Variants in GRB14 observed in about 807,000 individuals in gnomAD.
The protein encoded by GRB14 is growth factor receptor bound protein 14.
GRB14 carries 38 observed loss-of-function variants against 69.1 expected under a neutral mutation model. The observed-to-expected ratio is 0.55, with a 90% CI of 0.42 to 0.72. The LOEUF (loss-of-function observed/expected upper bound fraction) is 0.72. Among genes scored for constraint, GRB14 ranks in the 30% least tolerant of loss-of-function variants. The pLI is 0.00. For synonymous variants in GRB14, 247 were observed against 241.3 expected, an observed-to-expected ratio of 1.02 and a Z score of -0.22; for missense variants, 666 against 666.1, an observed-to-expected ratio of 1.00 and a Z score of 0.00.
intron 2 of GRB14, among the ~76,000 whole-genome samples, chr2:164,607,509 C>T (rs1013731952): frequency 2.6e-5 from 4 of 152,024 alleles, no homozygotes; most frequent in Admixed American, 2.0e-4. Flanking sequence ...TTAATCTGAG[C>T]GAGGGAGAAG....
Position 164,493,284 on chromosome 2 carries a change from T to C in GRB14, c.1477-102A>G, listed in dbSNP as rs375470023. 7.3e-5 allele frequency: 74 copies of C among 1,019,424 alleles called. 1 individual carries two copies. In the South Asian group the frequency reaches 1.1e-3, roughly 15 times the overall value. The allele number at this position is 1,019,424 out of a possible 1,614,324, so 63.1% of individuals were successfully genotyped here. ...CTCCACATGCCAAAACTGCCAAGTT[T>C]ATAAAACTAAAAGACAGTGAAAAGA... On this transcript the variant is annotated intron_variant, in intron 13 of 13. Transcript: ENST00000263915.
At chr2:164,538,375 A>G (rs1202205126) in intron 3 of GRB14, among the ~76,000 whole-genome samples, 3 of 152,176 alleles carry the variant, frequency 2.0e-5, no homozygotes, top group African/African-American at 7.2e-5. Context: ...ACTTGAAGCT[A>G]AAGTTTTTCC....
intron 2 of GRB14, among the ~76,000 whole-genome samples, chr2:164,618,904 A>AT (rs1450229818): frequency 6.6e-6 from 1 of 152,178 alleles, no homozygotes; most frequent in Non-Finnish European, 1.5e-5. Flanking sequence ...AATAAGGTGC[A>AT]TTTTGTCTAG....
chr2:164,613,737 C>T (rs1346943073), intron 2 of GRB14, among the ~76,000 whole-genome samples: 2 of 152,164 alleles, frequency 1.3e-5, no homozygotes, highest in Non-Finnish European at 2.9e-5. Context: ...GACCTTTTGG[C>T]CTTCAGGTAC....
chr2:164,501,844 C>A (rs1339138795), intron 9 of GRB14, among the ~76,000 whole-genome samples: 3 of 151,760 alleles, frequency 2.0e-5, no homozygotes, highest in African/African-American at 7.3e-5. Flanking sequence ...ATCCCAGAAT[C>A]GGTATTAAAA....
At chr2:164,544,535 C>T (rs895412241) in intron 3 of GRB14, among the ~76,000 whole-genome samples, 1 of 152,196 alleles carries the variant, frequency 6.6e-6, no homozygotes, top group African/African-American at 2.4e-5. Context: ...TAACACCATA[C>T]TTCTAGGAGA....
chr2:164,500,126 C>T (rs1011292004), intron 9 of GRB14, among the ~76,000 whole-genome samples: 13 of 152,090 alleles, frequency 8.5e-5, no homozygotes, highest in Non-Finnish European at 1.8e-4. Flanking sequence ...AGTAGACTCG[C>T]CTTCCCCAAC....
chr2:164,571,915 C>A (rs1196164703), intron 2 of GRB14, among the ~76,000 whole-genome samples: 1 of 152,198 alleles, frequency 6.6e-6, no homozygotes, highest in African/African-American at 2.4e-5. Flanking sequence ...GATACATTAG[C>A]ATAAAATGTC....
intron 2 of GRB14, among the ~76,000 whole-genome samples, chr2:164,613,903 T>G (rs1173601822): frequency 1.3e-5 from 2 of 152,186 alleles, no homozygotes; most frequent in Non-Finnish European, 2.9e-5. Flanking sequence ...ATTGCCCCAG[T>G]TTGAAAATGG....
chr2:164,558,912 T>C (rs1272840508), intron 2 of GRB14, among the ~76,000 whole-genome samples: 1 of 152,190 alleles, frequency 6.6e-6, no homozygotes, highest in Non-Finnish European at 1.5e-5. Context: ...AATTATTGAG[T>C]TGTCTGGCAT....
chr2:164,571,291 C>T (rs1488585567), intron 2 of GRB14, among the ~76,000 whole-genome samples: 1 of 152,152 alleles, frequency 6.6e-6, no homozygotes, highest in African/African-American at 2.4e-5. Context: ...AAAACTATGA[C>T]CAAAACTTTC....
chr2:164,594,327 A>T (rs1456948175), intron 2 of GRB14, among the ~76,000 whole-genome samples: 1 of 152,222 alleles, frequency 6.6e-6, no homozygotes, highest in East Asian at 1.9e-4. Context: ...TTAAGCAAGC[A>T]TTATTTTGAA....
At chr2:164,516,821 C>T (rs116762181) in intron 6 of GRB14, among the ~76,000 whole-genome samples, 150 of 152,222 alleles carry the variant, frequency 9.9e-4, no homozygotes, top group African/African-American at 3.3e-3. Context: ...GGCAGAATTT[C>T]GAGACCAGCC....
intron 2 of GRB14, among the ~76,000 whole-genome samples, chr2:164,577,426 T>C (rs767732124): frequency 2.6e-5 from 4 of 152,226 alleles, no homozygotes; most frequent in African/African-American, 4.8e-5. Context: ...GTTCTTGTGA[T>C]AGTGAGTTCT....
intron 2 of GRB14, among the ~76,000 whole-genome samples, chr2:164,574,296 C>T (rs1380810164): frequency 6.7e-6 from 1 of 148,898 alleles, no homozygotes; most frequent in Non-Finnish European, 1.5e-5. Flanking sequence ...GGCTGGAATG[C>T]AATGGTGCGA....
intron 2 of GRB14, among the ~76,000 whole-genome samples, chr2:164,594,021 G>T (rs1160619313): frequency 6.6e-5 from 10 of 152,068 alleles, no homozygotes; most frequent in African/African-American, 1.9e-4. Context: ...CATATTAACA[G>T]AATTAACAAA....
intron 2 of GRB14, among the ~76,000 whole-genome samples, chr2:164,565,230 A>C (rs1274695046): frequency 1.3e-5 from 2 of 151,996 alleles, no homozygotes; most frequent in Admixed American, 1.3e-4. Flanking sequence ...TCTTTATGTA[A>C]TGTGCCAATC....
chr2:164,539,201 G>A (rs1322231602), intron 3 of GRB14, among the ~76,000 whole-genome samples: 6 of 152,106 alleles, frequency 3.9e-5, no homozygotes, highest in African/African-American at 9.7e-5. Flanking sequence ...ACGGTCGGGC[G>A]TGGTGGCTCA....
At chr2:164,497,685 CT>C (rs1479353315) in intron 9 of GRB14, among the ~76,000 whole-genome samples, 195 bp from the exon 10 acceptor site, 6 of 152,006 alleles carry the variant, frequency 3.9e-5, no homozygotes, top group Admixed American at 6.6e-5. Flanking sequence ...TATAAAGGTG[CT>C]AAAAATATTT....
Sources: allele counts gnomAD v4.1 joint callset (sites outside exome capture counted in the v4.1 genomes callset), GRCh38; gene constraint gnomAD v4.1.1; transcripts MANE v1.5; gene names NCBI Gene and HGNC (gene_info 2026-07-23, HGNC 2026-07-21).